Variants in ANO4 observed in about 807,000 individuals in gnomAD.
ANO4 encodes the protein anoctamin 4.
In ANO4, 69 loss-of-function variants were observed where a neutral mutation model predicts 141.9. That is an observed-to-expected ratio of 0.49 (90% CI 0.40 to 0.59). ANO4 has a LOEUF of 0.59. Among genes scored for constraint, ANO4 ranks in the 20% least tolerant of loss-of-function variants. ANO4 has a pLI of 0.00. For missense variants in ANO4, 894 were observed against 1,162.2 expected (o/e 0.77, Z 3.36); for synonymous variants, 350 against 394.3 (o/e 0.89, Z 1.33).
chr12:101,120,771 TC>T (rs1444780825), intron 26 of ANO4, 146 bp downstream of exon 26: 1 of 646,158 alleles, frequency 1.5e-6, no homozygotes, highest in African/African-American at 1.8e-5. Context: ...CTCTTTTTGA[TC>T]TTTTTTCTTA....
At chr12:100,827,849 C>T (rs1565912393) in intron 1 of ANO4, among the ~76,000 whole-genome samples, 1 of 151,954 alleles carries the variant, frequency 6.6e-6, no homozygotes, top group Non-Finnish European at 1.5e-5. Context: ...GGAAAAAGCT[C>T]ACATGAGATC....
chr12:100,848,115 G>T (rs1327323702), intron 1 of ANO4, among the ~76,000 whole-genome samples: 11 of 152,182 alleles, frequency 7.2e-5, no homozygotes. Flanking sequence ...TGTCAACTGA[G>T]ATTTCATTTG....
chr12:101,076,783 CT>C (rs1459670053), intron 14 of ANO4, among the ~76,000 whole-genome samples: 1 of 152,162 alleles, frequency 6.6e-6, no homozygotes, highest in Non-Finnish European at 1.5e-5. Flanking sequence ...CCACTTGTCT[CT>C]TCAAGAACAG....
intron 14 of ANO4, among the ~76,000 whole-genome samples, chr12:101,073,478 G>A (rs1021589684): frequency 4.6e-5 from 7 of 151,748 alleles, no homozygotes; most frequent in Non-Finnish European, 7.4e-5. Flanking sequence ...TGTAAATGAC[G>A]AGTTAATGGG....
At chr12:100,864,292 G>T (rs931560134) in intron 1 of ANO4, among the ~76,000 whole-genome samples, 3 of 152,032 alleles carry the variant, frequency 2.0e-5, no homozygotes, top group African/African-American at 4.8e-5. Flanking sequence ...GTATGGGGTA[G>T]GTCCATTTTA....
At chr12:100,966,900 C>T (rs1287666627) in intron 5 of ANO4, among the ~76,000 whole-genome samples, 1 of 151,478 alleles carries the variant, frequency 6.6e-6, no homozygotes, top group African/African-American at 2.4e-5. Context: ...CACACACACA[C>T]ACACATACAT....
chr12:100,802,693 A>G (rs1329759512), intron 1 of ANO4, among the ~76,000 whole-genome samples: 1 of 152,216 alleles, frequency 6.6e-6, no homozygotes, highest in Non-Finnish European at 1.5e-5. Context: ...TCCTGCCTTC[A>G]TGGAGCTAAC....
Position 100,888,098 on chromosome 12 carries a change from A to G in ANO4, c.-140-13548A>G, listed in dbSNP as rs994843746. Among the ~76,000 whole-genome samples the G allele has an allele frequency of 3.9e-5, 6 of 152,354 alleles. No individual in the cohort carries two copies. The East Asian group carries it at 1.2e-3, about 29-fold the overall frequency. ...GCATTCAGAGCAGGGAGGGAAAAAA[A>G]GATGACCCAAATTGACACAAAATGA... On this transcript the variant is annotated intron_variant, in intron 1 of 27. Coordinates refer to ENST00000392977, the MANE Select transcript of ANO4 (RefSeq NM_001286615.2).
intron 1 of ANO4, among the ~76,000 whole-genome samples, chr12:100,731,541 G>T (rs1359456223): frequency 6.6e-6 from 1 of 152,030 alleles, no homozygotes; most frequent in African/African-American, 2.4e-5. Context: ...GTTTATATTA[G>T]GGCTCACTCT....
intron 14 of ANO4, among the ~76,000 whole-genome samples, chr12:101,063,237 G>T (rs1159903943): frequency 6.6e-6 from 1 of 152,188 alleles, no homozygotes; most frequent in Non-Finnish European, 1.5e-5. Flanking sequence ...CAGTCCCAAT[G>T]AGATGAGCTG....
chr12:100,924,431 T>G (rs776723451), intron 3 of ANO4, among the ~76,000 whole-genome samples: 1 of 152,102 alleles, frequency 6.6e-6, no homozygotes. Flanking sequence ...GTTCCTTCAT[T>G]TAATTCCTTC....
intron 2 of ANO4, among the ~76,000 whole-genome samples, chr12:100,916,038 G>A (rs1308076179): frequency 1.7e-5 from 2 of 116,164 alleles, no homozygotes; most frequent in Non-Finnish European, 3.4e-5. Context: ...CAAGTGGAAA[G>A]TGGTAGTAAT....
intron 5 of ANO4, among the ~76,000 whole-genome samples, chr12:100,959,532 G>T (rs1382602458): frequency 6.6e-6 from 1 of 152,150 alleles, no homozygotes; most frequent in East Asian, 1.9e-4. Flanking sequence ...AAACTTCTCA[G>T]TTTGGGCTTT....
At chr12:100,760,035 G>A (rs906253493) in intron 3 of ANO4, among the ~76,000 whole-genome samples, 1 of 152,180 alleles carries the variant, frequency 6.6e-6, no homozygotes, top group Non-Finnish European at 1.5e-5. Context: ...AGGCCCCCAT[G>A]TACCCCTCTC....
intron 1 of ANO4, among the ~76,000 whole-genome samples, chr12:100,800,899 G>C (rs978232592): frequency 6.6e-6 from 1 of 152,218 alleles, no homozygotes; most frequent in African/African-American, 2.4e-5. Flanking sequence ...GCTCTCACTT[G>C]CCTCAGTGCC....
intron 3 of ANO4, among the ~76,000 whole-genome samples, chr12:100,784,244 ACTT>A (rs1481086931): frequency 6.6e-6 from 1 of 151,962 alleles, no homozygotes; most frequent in Admixed American, 6.6e-5. Context: ...GCCTGTACCA[ACTT>A]CTTCTACCTG....
intron 3 of ANO4, among the ~76,000 whole-genome samples, chr12:100,756,834 C>T (rs757554890): frequency 2.0e-5 from 3 of 152,124 alleles, no homozygotes; most frequent in Admixed American, 6.6e-5. Flanking sequence ...TTGTCCTTGG[C>T]TCTTCTTTCT....
At chr12:100,919,494 G>A (rs2041506650) in intron 2 of ANO4, among the ~76,000 whole-genome samples, 1 of 152,242 alleles carries the variant, frequency 6.6e-6, no homozygotes, top group Middle Eastern at 3.4e-3. Flanking sequence ...TGCTGTACAG[G>A]TTTGTAGCTT....
At chr12:101,032,792 G>T (rs2047028645) in intron 9 of ANO4, among the ~76,000 whole-genome samples, 1 of 151,352 alleles carries the variant, frequency 6.6e-6, no homozygotes, top group African/African-American at 2.4e-5. Flanking sequence ...CAGTTAGAAT[G>T]GCAATCATTA....
Sources: gnomAD v4.1 joint callset for allele counts (sites outside exome capture counted in the v4.1 genomes callset) on GRCh38, gnomAD v4.1.1 for gene constraint, MANE v1.5 for transcripts, NCBI Gene and HGNC (gene_info 2026-07-23, HGNC 2026-07-21) for gene names.